The following TBX19 variants were observed in gnomAD, a reference collection of about 807,000 sequenced individuals.
The protein encoded by TBX19 is T-box transcription factor TBX19.
Under a neutral mutation model 40.9 loss-of-function variants are expected in TBX19, and 33 were observed. The observed-to-expected ratio is 0.81, with a 90% confidence interval of 0.61 to 1.08. The LOEUF is 1.08. Among genes scored for constraint, TBX19 ranks in the 50% least tolerant of loss-of-function variants. The pLI is 0.00. For missense variants in TBX19, 494 were observed against 574.0 expected, an observed-to-expected ratio of 0.86 and a Z score of 1.42; for synonymous variants, 220 against 225.0, an observed-to-expected ratio of 0.98 and a Z score of 0.20.
chr1:168,305,634 T>TG (rs1246599078), intron 6 of TBX19, among the ~76,000 whole-genome samples: 6 of 152,256 alleles, frequency 3.9e-5, no homozygotes, highest in African/African-American at 1.2e-4. Context: ...GGAAGGTCTC[T>TG]GGGAAGCTGG....
At position 168,313,023 on chromosome 1, in the gene TBX19, T is replaced by G. The variant is rs3885717; in HGVS notation, c.*21T>G. ...GTTAAGCAGGATCCTAGGAGCCTCT[T>G]TGCACAGCGATCCTTCCATGTGTAG... is the stretch of plus-strand genomic sequence containing the variant. On this transcript the variant is annotated 3_prime_UTR_variant, in exon 8 of 8. Transcript: ENST00000367821. 1.3e-5 allele frequency: 21 copies of G among 1,613,546 alleles called. No homozygotes were observed. In the South Asian group the frequency reaches 1.8e-4, roughly 14 times the overall value.
At chr1:168,294,798 G>A (rs899979707) in intron 3 of TBX19, among the ~76,000 whole-genome samples, 2 of 152,044 alleles carry the variant, frequency 1.3e-5, no homozygotes, top group Admixed American at 1.3e-4. Flanking sequence ...CACCGTGCCC[G>A]GCCCTTTATT....
At chr1:168,284,201 T>C (rs1211025952) in intron 1 of TBX19, among the ~76,000 whole-genome samples, 1 of 152,182 alleles carries the variant, frequency 6.6e-6, no homozygotes, top group Non-Finnish European at 1.5e-5. Flanking sequence ...TTGAAAACTT[T>C]CAGTTATTCA....
At chr1:168,308,937 G>C in intron 7 of TBX19, 60 bp downstream of exon 7, 1 of 1,611,226 alleles carries the variant, frequency 6.2e-7, no homozygotes. Context: ...TTAGCACTGG[G>C]GACTCAAGTT....
At chr1:168,288,065 A>G (rs987372693) in intron 1 of TBX19, among the ~76,000 whole-genome samples, 20 of 152,140 alleles carry the variant, frequency 1.3e-4, no homozygotes, top group Non-Finnish European at 2.9e-5. Flanking sequence ...TGCAGAGTAA[A>G]ACTCAGTACA....
intron 1 of TBX19, among the ~76,000 whole-genome samples, chr1:168,289,225 G>A (rs1298092005): frequency 1.3e-5 from 2 of 152,018 alleles, no homozygotes; most frequent in African/African-American, 2.4e-5. Flanking sequence ...CTTTGCAAAC[G>A]GCATTTGTGT....
At chr1:168,312,621 T>C in intron 7 of TBX19, 87 bp from the exon 8 acceptor site, 3 of 1,488,874 alleles carry the variant, frequency 2.0e-6, no homozygotes, top group Non-Finnish European at 2.8e-6. Flanking sequence ...CATGCCCTTC[T>C]CAGCACTGTG....
At position 168,293,074 on chromosome 1, in the gene TBX19, C is replaced by T. The variant is rs552874610; in HGVS notation, c.469-70C>T. On this transcript the variant is annotated intron_variant, in intron 2 of 7. Coordinates refer to ENST00000367821, the MANE Select transcript of TBX19 (RefSeq NM_005149.3). ...CTAAGCTTGGGACCAACTGGAGATG[C>T]TGGCTCCTTTATCACCTGCGATACA... 6.2e-6 allele frequency: 10 copies of T among 1,601,248 alleles called. No individual in the cohort carries two copies. The South Asian group carries it at 9.9e-5, about 16-fold the overall frequency.
rs1385415989 is a variant in TBX19, at chr1:168,312,842, C to T, written c.1187C>T (p.Ser396Phe). 6 of 1,614,158 alleles carry T rather than the reference C, an allele frequency of 3.7e-6. No homozygotes were observed. The highest frequency in any genetic ancestry group is 5.1e-6 in the Non-Finnish European group (6 of 1,180,054). Residue 396 changes from serine (S) to phenylalanine (F), a missense_variant, in exon 8 of 8, where the codon TCC becomes TTC. By Grantham distance (155) the Ser-to-Phe change is radical (BLOSUM62 -2). Transcript: ENST00000367821. ...PAVTSPPSVL[S>F]TQAPTSAGVE... is the part of the protein sequence containing the mutation. ...GTGACTTCACCCCCTTCTGTGCTCT[C>T]CACCCAAGCACCCACTTCGGCTGGT...
intron 6 of TBX19, among the ~76,000 whole-genome samples, chr1:168,306,551 G>A (rs975376113): frequency 4.0e-5 from 6 of 151,356 alleles, no homozygotes; most frequent in African/African-American, 1.5e-4. Flanking sequence ...GCTTGAATCC[G>A]GGAGGCAGAG....
chr1:168,298,166 A>G (rs1013001850), intron 4 of TBX19, among the ~76,000 whole-genome samples: 13 of 152,240 alleles, frequency 8.5e-5, no homozygotes, highest in African/African-American at 2.7e-4. Context: ...ACTGCATTCC[A>G]GCCTGGGCGA....
At chr1:168,288,740 A>G (rs1252804669) in intron 1 of TBX19, among the ~76,000 whole-genome samples, 1 of 149,462 alleles carries the variant, frequency 6.7e-6, no homozygotes, top group Non-Finnish European at 1.5e-5. Context: ...TGTGTACTAT[A>G]TAGTCTTATT....
chr1:168,297,859 C>T (rs923316052), intron 4 of TBX19, 74 bp downstream of exon 4: 1 of 1,331,910 alleles, frequency 7.5e-7, no homozygotes, highest in Non-Finnish European at 1.1e-6. Flanking sequence ...TTATGATTAT[C>T]TTGAAAGGAA....
At chr1:168,301,674 A>G (rs1649278839) in intron 5 of TBX19, among the ~76,000 whole-genome samples, 1 of 152,244 alleles carries the variant, frequency 6.6e-6, no homozygotes, top group East Asian at 1.9e-4. Context: ...GGGAGCACAG[A>G]TTCAAGTTCC....
At chr1:168,304,269 G>A (rs1275318615) in intron 5 of TBX19, among the ~76,000 whole-genome samples, 1 of 152,208 alleles carries the variant, frequency 6.6e-6, no homozygotes, top group Non-Finnish European at 1.5e-5. Context: ...TTTCAGGGAA[G>A]AAGTGGGGGT....
intron 7 of TBX19, among the ~76,000 whole-genome samples, chr1:168,310,608 A>T (rs1198508850): frequency 6.6e-6 from 1 of 151,310 alleles, no homozygotes; most frequent in Admixed American, 6.6e-5. Context: ...TGTAATACTC[A>T]CATAGGATTT....
chr1:168,298,239 A>G (rs1649166798), intron 4 of TBX19, among the ~76,000 whole-genome samples: 1 of 152,216 alleles, frequency 6.6e-6, no homozygotes, highest in Admixed American at 6.5e-5. Flanking sequence ...TCAATATTCA[A>G]CAACATCTAG....
chr1:168,285,179 T>C (rs749059191), intron 1 of TBX19, among the ~76,000 whole-genome samples: 3 of 152,086 alleles, frequency 2.0e-5, no homozygotes, highest in Non-Finnish European at 2.9e-5. Context: ...TCCCTTCGTT[T>C]ATTTATCTTT....
In TBX19 at chr1:168,293,230, C is replaced by T. The variant is rs748798601; in HGVS notation, c.555C>T (p.Ser185=). 1.9e-5 allele frequency: 31 copies of T among 1,613,506 alleles called. No individual in the cohort carries two copies. Among genetic ancestry groups the T allele is most frequent in the Non-Finnish European group, 2.6e-5 (31 of 1,179,864 alleles). The part of the protein sequence containing the change: ...GSAHRMVTNC[S]FPETQFIAVT... ...CCCATCGAATGGTAACAAACTGCTC[C>T]TTCCCTGAAACCCAGTTCATAGCCG... is the stretch of plus-strand genomic sequence containing the variant. The change falls in exon 3 of 8, where the codon TCC becomes TCT. Residue 185 remains serine (S), a synonymous_variant. Coordinates refer to ENST00000367821, the MANE Select transcript of TBX19 (RefSeq NM_005149.3).
Sources: allele counts gnomAD v4.1 joint callset (sites outside exome capture counted in the v4.1 genomes callset), GRCh38; gene constraint gnomAD v4.1.1; transcripts MANE v1.5; gene names NCBI Gene and HGNC (gene_info 2026-07-23, HGNC 2026-07-21).